LAMC1: variants seen among roughly 807,000 people sequenced by gnomAD.
LAMC1 encodes laminin subunit gamma-1.
Under a neutral mutation model 173.6 loss-of-function variants are expected in LAMC1, and 38 were observed. That is an observed-to-expected ratio of 0.22 (90% CI 0.17 to 0.29). LAMC1 has a LOEUF of 0.29. Among genes scored for constraint, LAMC1 ranks in the 10% least tolerant of loss-of-function variants. The pLI is 1.00. For synonymous variants in LAMC1, 746 were observed against 749.1 expected (o/e 1.00, Z 0.07); for missense variants, 1,824 against 2,051.8 (o/e 0.89, Z 2.14).
At chr1:183,103,294 A>T in intron 1 of LAMC1, 34 bp from the exon 2 acceptor site, 1 of 1,586,900 alleles carries the variant, frequency 6.3e-7, no homozygotes, top group Admixed American at 1.7e-5. Flanking sequence ...CTTCATACGT[A>T]TGATTTATGA....
rs1360571499 is a variant in LAMC1, at chr1:183,030,199, G to T, written c.418+6065G>T. On this transcript the variant is annotated intron_variant, in intron 1 of 27. Transcript: ENST00000258341. The stretch of plus-strand genomic sequence containing the variant: ...TGGCTGTTTTTGCACAATAAGGGCA[G>T]AGTTGAGTAATAGCGACAGACTCCA... 3.3e-5 allele frequency among the ~76,000 whole-genome samples: 5 copies of T among 152,222 alleles called. No homozygotes were observed. In the East Asian group the frequency reaches 9.6e-4, roughly 29 times the overall value.
At chr1:183,119,827 G>A (rs1656420556) in intron 11 of LAMC1, among the ~76,000 whole-genome samples, 1 of 152,150 alleles carries the variant, frequency 6.6e-6, no homozygotes, top group Non-Finnish European at 1.5e-5. Flanking sequence ...AGCATCGTTG[G>A]GTTTTGGATT....
At chr1:183,126,950 G>A (rs1361178439) in intron 16 of LAMC1, among the ~76,000 whole-genome samples, 3 of 152,222 alleles carry the variant, frequency 2.0e-5, no homozygotes, top group Non-Finnish European at 4.4e-5. Context: ...CATGAAACGA[G>A]CACTGATAGT....
intron 1 of LAMC1, among the ~76,000 whole-genome samples, chr1:183,083,500 A>G (rs577512107): frequency 6.6e-6 from 1 of 152,342 alleles, no homozygotes; most frequent in South Asian, 2.1e-4. Flanking sequence ...AATGTAGGTC[A>G]TTCTCACACA....
intron 1 of LAMC1, among the ~76,000 whole-genome samples, chr1:183,086,944 A>C (rs946397283): frequency 6.6e-6 from 1 of 152,240 alleles, no homozygotes. Context: ...CTAACAGATA[A>C]GATGGTAGAG....
At chr1:183,134,593 TA>T in intron 22 of LAMC1, 66 bp from the exon 23 acceptor site, 1 of 1,329,862 alleles carries the variant, frequency 7.5e-7, no homozygotes, top group Non-Finnish European at 1.0e-6. Context: ...ACAGAGTTCC[TA>T]AGCCTACCTT....
chr1:183,023,540 G>T lies in LAMC1; in HGVS notation c.-177G>T. ...GTGGTCGGCGAGCAGCGCGGTCCTC[G>T]CTAGGGGCGCCCACCCGTCAGTCTC... On this transcript the variant is annotated 5_prime_UTR_variant, in exon 1 of 28. Coordinates refer to ENST00000258341, the MANE Select transcript of LAMC1 (RefSeq NM_002293.4). 1 of 313,886 alleles carries T rather than the reference G, an allele frequency of 3.2e-6. No homozygotes were observed. The allele number at this position is 313,886 out of a possible 1,614,324, so 19.4% of individuals were successfully genotyped here.
At chr1:183,117,971 A>G (rs1489497161) in intron 10 of LAMC1, 63 bp from the exon 11 acceptor site, 2 of 992,274 alleles carry the variant, frequency 2.0e-6, no homozygotes, top group African/African-American at 3.3e-5. Flanking sequence ...TGAATAAGAA[A>G]TATTTCCCCA....
chr1:183,136,648 CT>C, intron 25 of LAMC1, 63 bp downstream of exon 25: 1 of 1,382,768 alleles, frequency 7.2e-7, no homozygotes, highest in Non-Finnish European at 9.9e-7. Context: ...TTTCCAGTTT[CT>C]TTCCAGACCC....
intron 1 of LAMC1, among the ~76,000 whole-genome samples, chr1:183,098,564 G>A (rs565200248): frequency 6.6e-6 from 1 of 152,284 alleles, no homozygotes; most frequent in South Asian, 2.1e-4. Flanking sequence ...TGCCCAGTAA[G>A]CCTTCTTTTT....
chr1:183,036,339 C>T (rs905263936), intron 1 of LAMC1, among the ~76,000 whole-genome samples: 1 of 151,430 alleles, frequency 6.6e-6, no homozygotes, highest in Non-Finnish European at 1.5e-5. Context: ...ACTAGGTGAG[C>T]CATCTGCCTT....
At position 183,132,544 on chromosome 1, in the gene LAMC1, A is replaced by C; in HGVS notation, c.3704+7A>C. 6.2e-7 allele frequency: 1 copy of C among 1,611,406 alleles called. No homozygotes were observed. Among genetic ancestry groups the C allele is most frequent in the Non-Finnish European group, 8.5e-7 (1 of 1,178,070 alleles). On this transcript the variant is annotated splice_region_variant and intron_variant, in intron 21 of 27. Transcript: ENST00000258341. ...TTGAAGAGCTTAATAGGAAGTGAGT[A>C]TAATTTGAAAGTGGTTTACACCCCT...
chr1:183,074,732 A>AT (rs1655085870), intron 1 of LAMC1, among the ~76,000 whole-genome samples: 1 of 152,136 alleles, frequency 6.6e-6, no homozygotes, highest in Admixed American at 6.5e-5. Flanking sequence ...CTGATCTGTT[A>AT]GTTTTATACC....
chr1:183,142,563 C>G lies in LAMC1; in HGVS notation c.4603C>G (p.Leu1535Val). The G allele has an allele frequency of 6.2e-7, 1 of 1,613,460 alleles. No individual in the cohort carries two copies. The highest frequency in any genetic ancestry group is 8.5e-7 in the Non-Finnish European group (1 of 1,179,728). ...GCTGGATACAGTGGACCTGAATAAGCTAAACGAGATTGAAGGCACCCTAAA... is the reference window on the plus strand; with the variant it reads ...GCTGGATACAGTGGACCTGAATAAGGTAAACGAGATTGAAGGCACCCTAAA... ...GQLDTVDLNK[L>V]NEIEGTLNKA... is the part of the protein sequence containing the mutation. The change falls in exon 28 of 28, where the codon CTA becomes GTA. Residue 1535 changes from leucine to valine, a missense_variant. By Grantham distance (32) the Leu-to-Val change is conservative. Coordinates refer to ENST00000258341, the MANE Select transcript of LAMC1 (RefSeq NM_002293.4).
intron 1 of LAMC1, among the ~76,000 whole-genome samples, chr1:183,077,793 T>TATATATATATATATATATATATAC (rs1558040719): frequency 4.1e-4 from 61 of 147,126 alleles, no homozygotes; most frequent in African/African-American, 1.5e-3. Context: ...TATATATATA[T>TATATATATATATATATATATATAC]ATACAGTAGC....
At position 183,131,367 on chromosome 1, in the gene LAMC1, G is replaced by C; in HGVS notation, c.3555G>C (p.Lys1185Asn). 2 of 1,612,988 alleles carry C rather than the reference G, an allele frequency of 1.2e-6. No homozygotes were observed. The highest frequency in any genetic ancestry group is 1.7e-6 in the Non-Finnish European group (2 of 1,179,504). ...NMTLLAEEAR[K>N]LAERHKQEAD... ...CTCTTTTGGCAGAAGAGGCTCGAAAGCTTGCTGAACGGTAACTTCTAGATC... is the reference window on the plus strand; with the variant it reads ...CTCTTTTGGCAGAAGAGGCTCGAAACCTTGCTGAACGGTAACTTCTAGATC... Residue 1185 changes from lysine to asparagine, a missense_variant, in exon 20 of 28, where the codon AAG becomes AAC. Lys to Asn is a moderately conservative substitution (Grantham distance 94). Transcript: ENST00000258341.
intron 16 of LAMC1, 104 bp from the exon 17 acceptor site, chr1:183,127,122 A>G (rs955015022): frequency 1.8e-6 from 2 of 1,081,518 alleles, no homozygotes; most frequent in African/African-American, 1.6e-5. Flanking sequence ...AAAAATTATG[A>G]CAGTATAGTC....
At chr1:183,126,370 C>G in intron 16 of LAMC1, 108 bp downstream of exon 16, 6 of 1,111,300 alleles carry the variant, frequency 5.4e-6, no homozygotes, top group Non-Finnish European at 7.9e-6. Flanking sequence ...GACTCATAGT[C>G]AGGGCTGTAC....
chr1:183,079,672 T>C lies in LAMC1; in HGVS notation c.419-23656T>C, dbSNP rs962431283. ...ATTGTTTTAACAAAAATAGCTTTCA[T>C]TGAAATTTTACATATGATTGTTTAT... On this transcript the variant is annotated intron_variant, in intron 1 of 27. Transcript: ENST00000258341. Among the ~76,000 whole-genome samples, 32 of 152,332 alleles carry C rather than the reference T, an allele frequency of 2.1e-4. No individual in the cohort carries two copies. In the East Asian group the frequency reaches 4.4e-3, roughly 21 times the overall value.
Sources: allele counts gnomAD v4.1 joint callset (sites outside exome capture counted in the v4.1 genomes callset), GRCh38; gene constraint gnomAD v4.1.1; transcripts MANE v1.5; gene names NCBI Gene and HGNC (gene_info 2026-07-23, HGNC 2026-07-21).